The following TCEA3 variants were observed in gnomAD, a reference collection of about 807,000 sequenced individuals.
TCEA3 encodes the protein transcription elongation factor A3, also known as transcription elongation factor A protein 3.
TCEA3 carries 36 observed loss-of-function variants against 44.0 expected under a neutral mutation model. The ratio of observed to expected loss-of-function variants is 0.82; its 90% CI spans 0.63 to 1.08. The LOEUF is 1.08. Among genes scored for constraint, TCEA3 ranks in the 50% least tolerant of loss-of-function variants. TCEA3 has a pLI of 0.00. For missense variants in TCEA3, 392 were observed against 441.2 expected (o/e 0.89, Z 1.00); for synonymous variants, 162 against 159.7 (o/e 1.01, Z -0.11).
At chr1:23,406,759 G>C (rs1237251008) in intron 5 of TCEA3, among the ~76,000 whole-genome samples, 1 of 152,042 alleles carries the variant, frequency 6.6e-6, no homozygotes, top group East Asian at 1.9e-4. Flanking sequence ...TGATTCTTTT[G>C]CCTCAGCCTC....
intron 10 of TCEA3, among the ~76,000 whole-genome samples, 180 bp from the exon 11 acceptor site, chr1:23,381,654 T>A (rs1638674239): frequency 6.6e-6 from 1 of 152,212 alleles, no homozygotes; most frequent in Non-Finnish European, 1.5e-5. Context: ...AATGAGCTCA[T>A]AAAGCTTGTG....
At position 23,397,993 on chromosome 1, in the gene TCEA3, G is replaced by C. The variant is rs1371208439; in HGVS notation, c.444-38C>G. The C allele has an allele frequency of 1.9e-6, 3 of 1,607,684 alleles. No individual in the cohort carries two copies. The Admixed American group carries it at 5.1e-5, about 28-fold the overall frequency. On this transcript the variant is annotated intron_variant, in intron 5 of 10. Transcript: ENST00000450454. ...ATAAGTAACAGACATTTGACATTAA[G>C]AGAGTAAAGCATTTATTGAGCAGCA...
At position 23,417,911 on chromosome 1, in the gene TCEA3, C is replaced by A. The variant is rs1211935420; in HGVS notation, c.231G>T (p.Arg77=). 14 of 1,614,020 alleles carry A rather than the reference C, an allele frequency of 8.7e-6. No individual in the cohort carries two copies. Among genetic ancestry groups the A allele is most frequent in the Non-Finnish European group, 1.2e-5 (14 of 1,179,890 alleles). The change falls in exon 3 of 11, where the codon CGG becomes CGT. Residue 77 remains arginine, a synonymous_variant. Coordinates refer to ENST00000450454, the MANE Select transcript of TCEA3 (RefSeq NM_003196.3). ...AACCTTGTCCTCTCTCACCTAGCAG[C>A]CGCTTCCAGTTTTTGATAAGGACTT... is the stretch of plus-strand genomic sequence containing the variant. ...LAKVLIKNWK[R]LLDSPGPPKG...
chr1:23,397,987 C>T (rs561604463), intron 5 of TCEA3, 32 bp from the exon 6 acceptor site: 1 of 1,609,924 alleles, frequency 6.2e-7, no homozygotes, highest in Non-Finnish European at 8.5e-7. Flanking sequence ...AGACATTTGA[C>T]ATTAAGAGAG....
chr1:23,409,531 C>G (rs1374217136), intron 4 of TCEA3, among the ~76,000 whole-genome samples: 1 of 152,062 alleles, frequency 6.6e-6, no homozygotes, highest in African/African-American at 2.4e-5. Flanking sequence ...GTGTCACCTT[C>G]TAGCATACTA....
At position 23,417,375 on chromosome 1, in the gene TCEA3, G is replaced by A. The variant is rs200276251; in HGVS notation, c.254C>T (p.Pro85Leu). 19 of 1,612,762 alleles carry A rather than the reference G, an allele frequency of 1.2e-5. No individual in the cohort carries two copies. The highest frequency in any genetic ancestry group is 1.5e-5 in the Non-Finnish European group (18 of 1,179,658). ...TCTTTCCTCTCCTTTTTCTCCTTTT[G>A]GGGGTCCAGGGGAGTCTGAAAACAA... ...WKRLLDSPGP[P>L]KGEKGEEREK... The change falls in exon 4 of 11, where the codon CCA (proline) becomes CTA (leucine). Residue 85 changes from proline (P) to leucine (L), a missense_variant. Transcript: ENST00000450454.
intron 5 of TCEA3, among the ~76,000 whole-genome samples, chr1:23,405,325 G>A (rs887531103): frequency 2.0e-5 from 3 of 152,106 alleles, no homozygotes; most frequent in African/African-American, 4.8e-5. Flanking sequence ...TGCCTGGCAC[G>A]GTGGCTCACA....
chr1:23,399,864 TG>T (rs1639347280), intron 5 of TCEA3, among the ~76,000 whole-genome samples: 1 of 152,170 alleles, frequency 6.6e-6, no homozygotes, highest in East Asian at 1.9e-4. Flanking sequence ...TTAGTAGAGA[TG>T]GGGTTTTGCC....
Position 23,409,066 on chromosome 1 carries a change from A to T in TCEA3, c.381-340T>A, listed in dbSNP as rs79910503. On this transcript the variant is annotated intron_variant, in intron 4 of 10. Transcript: ENST00000450454. ...TGTCAGGCAGGCCTTAGCTAACTGG[A>T]GTCCACAGAGACTGGATTCCTGGAG... 1.4e-4 allele frequency among the ~76,000 whole-genome samples: 21 copies of T among 152,170 alleles called. 1 individual carries two copies. The highest frequency in any genetic ancestry group is 1.3e-4 in the Admixed American group (2 of 15,272).
chr1:23,422,206 G>A (rs779779307), intron 1 of TCEA3, among the ~76,000 whole-genome samples: 18 of 152,200 alleles, frequency 1.2e-4, no homozygotes, highest in Non-Finnish European at 2.4e-4. Context: ...GTGCATACGT[G>A]TGTGGCTGTC....
intron 8 of TCEA3, among the ~76,000 whole-genome samples, chr1:23,391,132 TTTTC>T (rs771986848): frequency 1.2e-3 from 171 of 147,752 alleles, no homozygotes; most frequent in Non-Finnish European, 1.7e-3. Context: ...TTTTTTCTTT[TTTTC>T]TTTCTTTCTT....
At chr1:23,393,505 C>T (rs919831732) in intron 8 of TCEA3, among the ~76,000 whole-genome samples, 6 of 152,182 alleles carry the variant, frequency 3.9e-5, no homozygotes, top group Admixed American at 1.3e-4. Flanking sequence ...ACACATGCCA[C>T]ACAACCTAGC....
chr1:23,406,210 GC>G (rs1307307244), intron 5 of TCEA3, among the ~76,000 whole-genome samples: 1 of 152,160 alleles, frequency 6.6e-6, no homozygotes, highest in African/African-American at 2.4e-5. Context: ...GCTGGAGCTG[GC>G]TGCCATGTTG....
chr1:23,387,345 G>C lies in TCEA3; in HGVS notation c.894C>G (p.Ala298=). Residue 298 remains alanine, a synonymous_variant, in exon 9 of 11, where the codon GCC becomes GCG. Transcript: ENST00000450454. ...TQEAIREHQM[A]KTGGTTTDLF... Reference sequence around the variant, plus strand: ...GGTCAGTGGTGGTGCCGCCAGTCTTGGCCATCTGGTGCTCACGGATGGCCT... The same window carrying C: ...GGTCAGTGGTGGTGCCGCCAGTCTTCGCCATCTGGTGCTCACGGATGGCCT... The C allele has an allele frequency of 6.2e-7, 1 of 1,613,710 alleles. No individual in the cohort carries two copies. Among genetic ancestry groups the C allele is most frequent in the Non-Finnish European group, 8.5e-7 (1 of 1,179,806 alleles).
chr1:23,407,822 T>G (rs1290433669), intron 5 of TCEA3, among the ~76,000 whole-genome samples: 2 of 152,242 alleles, frequency 1.3e-5, no homozygotes, highest in East Asian at 3.9e-4. Flanking sequence ...CCTCAATAAA[T>G]ATTTGATGAC....
chr1:23,399,100 T>A (rs2148560558), intron 5 of TCEA3, among the ~76,000 whole-genome samples: 1 of 142,992 alleles, frequency 7.0e-6, no homozygotes, highest in South Asian at 2.2e-4. Flanking sequence ...ATGTACTATC[T>A]AAGAATTATC....
chr1:23,387,777 A>G (rs1638894675), intron 8 of TCEA3, among the ~76,000 whole-genome samples: 1 of 152,120 alleles, frequency 6.6e-6, no homozygotes, highest in African/African-American at 2.4e-5. Context: ...GATCACTGCC[A>G]CCTGGTCTAT....
chr1:23,397,005 C>CAAAAA (rs34931042), intron 7 of TCEA3, among the ~76,000 whole-genome samples: 2 of 68,384 alleles, frequency 2.9e-5, no homozygotes, highest in East Asian at 7.5e-4. Flanking sequence ...AACTCCGTCT[C>CAAAAA]AAAAAAAAAA....
At chr1:23,388,075 T>G (rs1395324278) in intron 8 of TCEA3, among the ~76,000 whole-genome samples, 2 of 151,930 alleles carry the variant, frequency 1.3e-5, no homozygotes, top group Non-Finnish European at 2.9e-5. Flanking sequence ...TCTCTGTCCA[T>G]CTCCCTGGCC....
Sources: gnomAD v4.1 joint callset for allele counts (sites outside exome capture counted in the v4.1 genomes callset) on GRCh38, gnomAD v4.1.1 for gene constraint, MANE v1.5 for transcripts, NCBI Gene and HGNC (gene_info 2026-07-23, HGNC 2026-07-21) for gene names.